KCNIP4: variants seen among roughly 807,000 people sequenced by gnomAD.
The protein encoded by KCNIP4 is potassium voltage-gated channel interacting protein 4.
A neutral mutation model predicts 34.0 loss-of-function variants in KCNIP4; 12 were observed. The observed-to-expected ratio is 0.35, with a 90% CI of 0.23 to 0.57. KCNIP4 has a LOEUF of 0.57. Among genes scored for constraint, KCNIP4 ranks in the 20% least tolerant of loss-of-function variants. KCNIP4 has a pLI of 0.83. For missense variants in KCNIP4, 238 were observed against 311.7 expected (o/e 0.76, Z 1.78); for synonymous variants, 124 against 102.2 (o/e 1.21, Z -1.29).
At chr4:20,898,360 T>C (rs1482841585) in intron 1 of KCNIP4, among the ~76,000 whole-genome samples, 1 of 152,194 alleles carries the variant, frequency 6.6e-6, no homozygotes, top group African/African-American at 2.4e-5. Flanking sequence ...GAACCTTGGG[T>C]AGACAACATA....
In KCNIP4 at chr4:21,901,375, C is replaced by T. The variant is rs542672882; in HGVS notation, c.61+47196G>A. On this transcript the variant is annotated intron_variant, in intron 1 of 8. Coordinates refer to ENST00000382152, the MANE Select transcript of KCNIP4 (RefSeq NM_025221.6). ...CCCTCTCGTGCTTACACCTGAGGGG[C>T]CACTGCTTTTAATTACATAAATTTA... is the stretch of plus-strand genomic sequence containing the variant. Among the ~76,000 whole-genome samples the T allele has an allele frequency of 5.9e-5, 9 of 152,276 alleles. 1 individual carries two copies. In the South Asian group the frequency reaches 1.9e-3, roughly 32 times the overall value.
chr4:21,449,810 T>C (rs966443046), intron 1 of KCNIP4, among the ~76,000 whole-genome samples: 5 of 152,024 alleles, frequency 3.3e-5, no homozygotes, highest in African/African-American at 1.2e-4. Context: ...CAAATGTTTT[T>C]CAGTGATTAA....
intron 1 of KCNIP4, among the ~76,000 whole-genome samples, chr4:21,234,042 CATAT>C (rs1221409600): frequency 8.7e-6 from 1 of 114,830 alleles, no homozygotes; most frequent in Non-Finnish European, 1.6e-5. Flanking sequence ...ACATATATAA[CATAT>C]ATAACACATA....
intron 1 of KCNIP4, among the ~76,000 whole-genome samples, chr4:21,798,787 G>T (rs538841107): frequency 6.6e-6 from 1 of 151,850 alleles, no homozygotes; most frequent in Non-Finnish European, 1.5e-5. Context: ...CACTTAGAAG[G>T]CATATGAAAC....
intron 1 of KCNIP4, among the ~76,000 whole-genome samples, chr4:21,875,698 T>C (rs1726073049): frequency 6.6e-6 from 1 of 152,198 alleles, no homozygotes; most frequent in South Asian, 2.1e-4. Flanking sequence ...CGATTTTTGA[T>C]TATTTGATGC....
At chr4:21,095,057 T>G (rs1280729224) in intron 1 of KCNIP4, among the ~76,000 whole-genome samples, 1 of 152,208 alleles carries the variant, frequency 6.6e-6, no homozygotes, top group East Asian at 1.9e-4. Context: ...TGATTGGATG[T>G]GAAGGCAAGG....
chr4:21,111,382 A>G (rs564762124), intron 1 of KCNIP4, among the ~76,000 whole-genome samples: 163 of 152,354 alleles, frequency 1.1e-3, no homozygotes, highest in African/African-American at 3.7e-3. Context: ...CCACAGGACT[A>G]AATTCAAAAG....
Position 21,457,708 on chromosome 4 carries a change from A to C in KCNIP4, c.61+490863T>G, listed in dbSNP as rs182803036. Among the ~76,000 whole-genome samples, 34 of 152,186 alleles carry C rather than the reference A, an allele frequency of 2.2e-4. No homozygotes were observed. In the East Asian group the frequency reaches 6.6e-3, roughly 30 times the overall value. On this transcript the variant is annotated intron_variant, in intron 1 of 8. Coordinates refer to ENST00000382152, the MANE Select transcript of KCNIP4 (RefSeq NM_025221.6). ...ACAGATGGAAGAAGTGAGGGTATGC[A>C]GAGCTGGCGTATGGCAGTCCCAGAA...
Position 21,817,602 on chromosome 4 carries a change from A to T in KCNIP4, c.61+130969T>A, listed in dbSNP as rs117858239. On this transcript the variant is annotated intron_variant, in intron 1 of 8. Coordinates refer to ENST00000382152, the MANE Select transcript of KCNIP4 (RefSeq NM_025221.6). ...ATATTGCTAAATTCTTTTCCTAGCA[A>T]GGAATGTTAGTATTAATACCCTGGG... Among the ~76,000 whole-genome samples the T allele has an allele frequency of 7.9e-5, 12 of 152,288 alleles. No individual in the cohort carries two copies. In the East Asian group the frequency reaches 2.3e-3, roughly 29 times the overall value.
At chr4:21,947,503 A>C (rs1424243732) in intron 1 of KCNIP4, among the ~76,000 whole-genome samples, 4 of 152,176 alleles carry the variant, frequency 2.6e-5, no homozygotes, top group African/African-American at 9.7e-5. Flanking sequence ...GGAGTGAGGA[A>C]AAGAAAGGGA....
At chr4:21,923,324 G>C (rs1729041193) in intron 1 of KCNIP4, among the ~76,000 whole-genome samples, 1 of 152,156 alleles carries the variant, frequency 6.6e-6, no homozygotes, top group Non-Finnish European at 1.5e-5. Context: ...GCTCATACCT[G>C]TAAGCCCAGC....
At chr4:21,120,569 C>T (rs1395903828) in intron 1 of KCNIP4, among the ~76,000 whole-genome samples, 1 of 152,206 alleles carries the variant, frequency 6.6e-6, no homozygotes, top group African/African-American at 2.4e-5. Flanking sequence ...AACAAATGCA[C>T]ATCTTACGTG....
At chr4:21,141,804 A>G (rs925647354) in intron 1 of KCNIP4, among the ~76,000 whole-genome samples, 1 of 152,120 alleles carries the variant, frequency 6.6e-6, no homozygotes, top group Non-Finnish European at 1.5e-5. Context: ...TAATGAGGTC[A>G]AGCAAGGTAA....
Position 20,916,466 on chromosome 4 carries a change from A to G in KCNIP4, c.62-33757T>C, listed in dbSNP as rs140728455. ...CTGTGTGCAATCTAGGAGAAAAAAT[A>G]GTACCATTATGAAGTAGAGGAGTGA... On this transcript the variant is annotated intron_variant, in intron 1 of 8. Coordinates refer to ENST00000382152, the MANE Select transcript of KCNIP4 (RefSeq NM_025221.6). The G allele has an allele frequency of 6.8e-5, 29 of 424,646 alleles. No individual in the cohort carries two copies. The East Asian group carries it at 4.6e-3, about 67-fold the overall frequency. 26.3% of individuals were successfully genotyped at this position (424,646 alleles called of 1,614,324 possible).
chr4:21,761,202 A>G (rs555167314), intron 1 of KCNIP4, among the ~76,000 whole-genome samples: 1 of 152,212 alleles, frequency 6.6e-6, no homozygotes, highest in South Asian at 2.1e-4. Flanking sequence ...CCTGAGTTCA[A>G]GTGATCCACC....
At chr4:21,025,956 C>T (rs1365662671) in intron 1 of KCNIP4, among the ~76,000 whole-genome samples, 1 of 152,058 alleles carries the variant, frequency 6.6e-6, no homozygotes, top group African/African-American at 2.4e-5. Context: ...TAAACGTAAA[C>T]AAAACTGGCA....
At chr4:20,943,236 T>C (rs910170584) in intron 1 of KCNIP4, among the ~76,000 whole-genome samples, 31 of 152,170 alleles carry the variant, frequency 2.0e-4, no homozygotes, top group Admixed American at 1.8e-3. Flanking sequence ...TGGTCTCTGT[T>C]CTTCTGAAGA....
chr4:21,057,643 TA>T (rs2108963309), intron 1 of KCNIP4, among the ~76,000 whole-genome samples: 1 of 152,336 alleles, frequency 6.6e-6, no homozygotes, highest in East Asian at 1.9e-4. Flanking sequence ...AAATTGACTT[TA>T]AATTCTTTTG....
chr4:21,433,800 A>G (rs1726712032), intron 1 of KCNIP4, among the ~76,000 whole-genome samples: 1 of 152,172 alleles, frequency 6.6e-6, no homozygotes, highest in Admixed American at 6.5e-5. Context: ...CACTTGTCAC[A>G]CTTTCCCGAT....
Sources: gnomAD v4.1 joint callset for allele counts (sites outside exome capture counted in the v4.1 genomes callset) on GRCh38, gnomAD v4.1.1 for gene constraint, MANE v1.5 for transcripts, NCBI Gene and HGNC (gene_info 2026-07-23, HGNC 2026-07-21) for gene names.